The following SORCS2 variants were observed in gnomAD, a reference collection of about 807,000 sequenced individuals.
The protein encoded by SORCS2 is sortilin related VPS10 domain containing receptor 2, also known as VPS10 domain-containing receptor SorCS2.
Under a neutral mutation model 141.6 loss-of-function variants are expected in SORCS2, and 100 were observed. The ratio of observed to expected loss-of-function variants is 0.71; its 90% CI spans 0.60 to 0.83. SORCS2 has a LOEUF of 0.83. Ranked by LOEUF, SORCS2 falls within the 40% of genes least tolerant of loss-of-function variation. The pLI is 0.00. For synonymous variants in SORCS2, 789 were observed against 676.9 expected (o/e 1.17, Z -2.57); for missense variants, 1,646 against 1,560.2 (o/e 1.05, Z -0.93).
chr4:7,705,541 C>G (rs1156880789), intron 14 of SORCS2, among the ~76,000 whole-genome samples: 1 of 152,252 alleles, frequency 6.6e-6, no homozygotes, highest in Non-Finnish European at 1.5e-5. Flanking sequence ...CCTTCTAGAG[C>G]AGGCAGGACC....
At chr4:7,322,968 G>GC (rs1379205000) in intron 1 of SORCS2, among the ~76,000 whole-genome samples, 4 of 57,648 alleles carry the variant, frequency 6.9e-5, no homozygotes, top group African/African-American at 2.5e-4. Flanking sequence ...GGACGGCCCT[G>GC]CCCGTTTTTT....
At position 7,282,788 on chromosome 4, in the gene SORCS2, G is replaced by A. The variant is rs141680927; in HGVS notation, c.480+89662G>A. Among the ~76,000 whole-genome samples, 191 of 152,288 alleles carry A rather than the reference G, an allele frequency of 1.3e-3. 1 individual carries two copies. In the South Asian group the frequency reaches 0.019, roughly 15 times the overall value. ...TCAGCCAGCGGCAGGTGGTAGAGTT[G>A]GGATTCACACTCTAGGGGGTCTTGC... On this transcript the variant is annotated intron_variant, in intron 1 of 26. Transcript: ENST00000507866.
At chr4:7,285,036 A>AT (rs34265329) in intron 1 of SORCS2, among the ~76,000 whole-genome samples, 3,048 of 140,082 alleles carry the variant, frequency 0.022, 95 homozygotes, top group African/African-American at 0.069. Context: ...ATATATATAT[A>AT]TTTTTTTTTT....
chr4:7,682,863 A>G lies in SORCS2; in HGVS notation c.1462A>G (p.Asn488Asp). The change falls in exon 10 of 27, where the codon AAT becomes GAT. Residue 488 changes from asparagine (N) to aspartate (D), a missense_variant. Physicochemically the swap from Asn to Asp is conservative, Grantham distance 23. Transcript: ENST00000507866. ...DYLRPPSMDM[N>D]GKPTNCKPPD... ...CCTGAGGCCACCCAGCATGGACATG[A>G]ATGGAAAACCAACCAACTGCAAGCC... 6.2e-7 allele frequency: 1 copy of G among 1,613,624 alleles called. No individual in the cohort carries two copies. Among genetic ancestry groups the G allele is most frequent in the African/African-American group, 1.3e-5 (1 of 75,046 alleles).
intron 1 of SORCS2, among the ~76,000 whole-genome samples, chr4:7,252,240 T>C (rs1713555185): frequency 6.6e-6 from 1 of 152,094 alleles, no homozygotes; most frequent in Non-Finnish European, 1.5e-5. Flanking sequence ...GGGCAGGGTC[T>C]TCCAGAGAGA....
chr4:7,275,274 G>C (rs1425041003), intron 1 of SORCS2, among the ~76,000 whole-genome samples: 1 of 152,188 alleles, frequency 6.6e-6, no homozygotes, highest in Non-Finnish European at 1.5e-5. Flanking sequence ...TCGAAGTCAT[G>C]GTCAAGAGCA....
chr4:7,641,862 G>A (rs1720763050), intron 4 of SORCS2, among the ~76,000 whole-genome samples: 1 of 151,412 alleles, frequency 6.6e-6, no homozygotes, highest in Non-Finnish European at 1.5e-5. Flanking sequence ...ATGGATGGAT[G>A]GGTGGGTGGG....
intron 10 of SORCS2, among the ~76,000 whole-genome samples, chr4:7,687,007 G>C (rs1213188948): frequency 1.3e-5 from 2 of 152,210 alleles, no homozygotes; most frequent in African/African-American, 4.8e-5. Context: ...GCGAGGGGTG[G>C]GGAGAGGTAG....
chr4:7,638,388 G>T lies in SORCS2; in HGVS notation c.709G>T (p.Glu237Ter). ...CCAGAGCCTATTCCTCAGCGCAGAC[G>T]AAGGCGCCACCTTTCAGAAGCAGCC... ...RDQSLFLSADEGATFQKQPIP... is the reference protein window; with the variant it reads ...RDQSLFLSAD Residue 237 changes from glutamate (E) to a stop codon, truncating the protein, a stop_gained, in exon 4 of 27, where the codon GAA becomes TAA. Coordinates refer to ENST00000507866, the MANE Select transcript of SORCS2 (RefSeq NM_020777.3). LOFTEE classifies it high-confidence loss of function. 6.3e-7 allele frequency: 1 copy of T among 1,576,540 alleles called. No individual in the cohort carries two copies. Among genetic ancestry groups the T allele is most frequent in the Non-Finnish European group, 8.6e-7 (1 of 1,165,170 alleles).
chr4:7,681,852 C>G (rs1487370222), intron 9 of SORCS2, among the ~76,000 whole-genome samples: 2 of 152,178 alleles, frequency 1.3e-5, no homozygotes, highest in Admixed American at 1.3e-4. Flanking sequence ...GGTTGCACCC[C>G]CTCTGAGCCT....
At chr4:7,662,779 C>T (rs1722258966) in intron 6 of SORCS2, among the ~76,000 whole-genome samples, 1 of 152,180 alleles carries the variant, frequency 6.6e-6, no homozygotes, top group Admixed American at 6.5e-5. Context: ...TCCTGCATGG[C>T]CATGTGGGGT....
chr4:7,655,132 T>G (rs1420627961), intron 5 of SORCS2, among the ~76,000 whole-genome samples: 2 of 152,038 alleles, frequency 1.3e-5, no homozygotes, highest in Admixed American at 1.3e-4. Context: ...GTCCTTCTGG[T>G]CACACTGCCT....
At chr4:7,288,592 A>AGAGAGAG (rs1210455352) in intron 1 of SORCS2, among the ~76,000 whole-genome samples, 41 of 147,536 alleles carry the variant, frequency 2.8e-4, no homozygotes, top group South Asian at 1.4e-3. Flanking sequence ...GAGGAGGAGA[A>AGAGAGAG]GAGAGAGGAG....
At chr4:7,448,629 CCTTA>C (rs1462902994) in intron 2 of SORCS2, among the ~76,000 whole-genome samples, 12 of 88,550 alleles carry the variant, frequency 1.4e-4, no homozygotes, top group South Asian at 4.5e-4. Context: ...TTCCTTCCTT[CCTTA>C]TTTCTTGCCT....
At chr4:7,456,479 A>T (rs565396736) in intron 2 of SORCS2, among the ~76,000 whole-genome samples, 9 of 148,820 alleles carry the variant, frequency 6.0e-5, no homozygotes, top group Admixed American at 4.0e-4. Flanking sequence ...GAAGGGTGAG[A>T]GGGGGGGGGC....
chr4:7,601,624 A>G (rs1717678479), intron 3 of SORCS2, among the ~76,000 whole-genome samples: 1 of 145,872 alleles, frequency 6.9e-6, no homozygotes, highest in South Asian at 2.1e-4. Flanking sequence ...CTCAAAAAAA[A>G]AAAAAAAAAA....
chr4:7,403,997 A>ATTTTTT (rs60403055), intron 2 of SORCS2, among the ~76,000 whole-genome samples: 18 of 18,926 alleles, frequency 9.5e-4, no homozygotes, highest in Non-Finnish European at 2.0e-3. Flanking sequence ...ATATATATAT[A>ATTTTTT]TTTTTTTTTT....
At chr4:7,439,652 G>A (rs1210516632) in intron 2 of SORCS2, among the ~76,000 whole-genome samples, 1 of 152,164 alleles carries the variant, frequency 6.6e-6, no homozygotes, top group Non-Finnish European at 1.5e-5. Context: ...TGAACAGGAG[G>A]GAAAGGATGT....
intron 2 of SORCS2, among the ~76,000 whole-genome samples, chr4:7,455,044 T>C (rs1392362692): frequency 2.6e-5 from 3 of 114,566 alleles, no homozygotes; most frequent in African/African-American, 9.7e-5. Context: ...AGGTGCTGTG[T>C]GTTGGGGTCA....
Sources: allele counts gnomAD v4.1 joint callset (sites outside exome capture counted in the v4.1 genomes callset), GRCh38; gene constraint gnomAD v4.1.1; transcripts MANE v1.5; gene names NCBI Gene and HGNC (gene_info 2026-07-23, HGNC 2026-07-21).